NCOR2: variants seen among roughly 807,000 people sequenced by gnomAD.
NCOR2 encodes CTG repeat protein 26.
In NCOR2, 81 loss-of-function variants were observed where a neutral mutation model predicts 262.9. The ratio of observed to expected loss-of-function variants is 0.31; its 90% CI spans 0.26 to 0.37. NCOR2 has a LOEUF of 0.37. Among genes scored for constraint, NCOR2 ranks in the 10% least tolerant of loss-of-function variants. The pLI is 1.00. For missense variants in NCOR2, 3,385 were observed against 3,621.4 expected, an observed-to-expected ratio of 0.93 and a Z score of 1.68; for synonymous variants, 1,659 against 1,559.3, an observed-to-expected ratio of 1.06 and a Z score of -1.51.
chr12:124,544,641 C>T (rs557565561), intron 1 of NCOR2, among the ~76,000 whole-genome samples: 2 of 152,294 alleles, frequency 1.3e-5, no homozygotes, highest in South Asian at 2.1e-4. Flanking sequence ...CACACCCGCC[C>T]GGGCCCAGGG....
Position 124,378,203 on chromosome 12 carries a change from C to A in NCOR2, c.2167+34G>T. The A allele has an allele frequency of 6.2e-7, 1 of 1,604,296 alleles. No individual in the cohort carries two copies. The highest frequency in any genetic ancestry group is 8.5e-7 in the Non-Finnish European group (1 of 1,173,812). ...CCTCCCTCAGAGCTCGGACCCACAG[C>A]TGCCAGCCACCTCCAAGCCGCGCCA... is the stretch of plus-strand genomic sequence containing the variant. On this transcript the variant is annotated intron_variant, in intron 18 of 46. Transcript: ENST00000405201. The surrounding 1 kb of genome is among the most constrained non-coding windows in gnomAD (Gnocchi z 4.2).
At chr12:124,493,072 G>A (rs1320948319) in intron 1 of NCOR2, among the ~76,000 whole-genome samples, 6 of 152,242 alleles carry the variant, frequency 3.9e-5, no homozygotes, top group Non-Finnish European at 5.9e-5. Context: ...TGGAGGGGGC[G>A]GTGAGCGCTT....
At chr12:124,372,656 G>A in intron 19 of NCOR2, 46 bp from the exon 22 acceptor site, 3 of 1,522,216 alleles carry the variant, frequency 2.0e-6, no homozygotes, top group South Asian at 2.3e-5. Flanking sequence ...GTCTGGCGGG[G>A]CCTCCAGAAG....
intron 4 of NCOR2, among the ~76,000 whole-genome samples, chr12:124,468,336 ATCC>A (rs1344587301): frequency 3.0e-5 from 1 of 33,046 alleles, no homozygotes; most frequent in Non-Finnish European, 6.0e-5. Context: ...CATCATCCTC[ATCC>A]TCCTCACCCC....
intron 16 of NCOR2, among the ~76,000 whole-genome samples, chr12:124,391,263 C>G (rs1489002545): frequency 6.6e-6 from 1 of 152,168 alleles, no homozygotes; most frequent in Non-Finnish European, 1.5e-5. Flanking sequence ...ACCCTGGAAA[C>G]ACACTCGCTC....
intron 10 of NCOR2, among the ~76,000 whole-genome samples, chr12:124,429,220 C>A (rs2043775090): frequency 6.6e-6 from 1 of 152,270 alleles, no homozygotes; most frequent in Non-Finnish European, 1.5e-5. Flanking sequence ...AAGGCTGACC[C>A]TGGAACCCAC....
chr12:124,407,114 C>T (rs2042317554), intron 13 of NCOR2, among the ~76,000 whole-genome samples: 1 of 152,220 alleles, frequency 6.6e-6, no homozygotes, highest in South Asian at 2.1e-4. Flanking sequence ...AGCCTCCTCC[C>T]TATGCCCATT....
At chr12:124,515,811 T>C (rs1385767744) in intron 1 of NCOR2, among the ~76,000 whole-genome samples, 1 of 152,184 alleles carries the variant, frequency 6.6e-6, no homozygotes, top group Non-Finnish European at 1.5e-5. Flanking sequence ...TGTGCGCGTA[T>C]TTAGTTCTAT....
intron 27 of NCOR2, among the ~76,000 whole-genome samples, chr12:124,351,813 C>T (rs559856795): frequency 3.8e-4 from 58 of 152,256 alleles, no homozygotes; most frequent in Non-Finnish European, 3.4e-4. Flanking sequence ...ACGACGGGTC[C>T]CCAAATCTCA....
At chr12:124,394,843 T>C (rs2041546367) in intron 16 of NCOR2, among the ~76,000 whole-genome samples, 1 of 152,310 alleles carries the variant, frequency 6.6e-6, no homozygotes. Flanking sequence ...ACAGGAAACA[T>C]ACAGTGGGCG....
At chr12:124,543,522 G>A (rs952209839) in intron 1 of NCOR2, among the ~76,000 whole-genome samples, 42 of 152,278 alleles carry the variant, frequency 2.8e-4, no homozygotes, top group Non-Finnish European at 3.7e-4. Context: ...CTCTGCCCTC[G>A]GCCACTCCAT....
chr12:124,451,386 C>G (rs771779570), intron 6 of NCOR2, among the ~76,000 whole-genome samples: 1 of 152,132 alleles, frequency 6.6e-6, no homozygotes, highest in South Asian at 2.1e-4. Flanking sequence ...GTAACCATAC[C>G]GGGTAACTGA....
At chr12:124,427,930 T>C (rs2043650637) in intron 10 of NCOR2, among the ~76,000 whole-genome samples, 1 of 151,956 alleles carries the variant, frequency 6.6e-6, no homozygotes, top group Admixed American at 6.5e-5. Flanking sequence ...GAACCTCAGG[T>C]CACCCCAGGC....
chr12:124,397,553 G>A (rs746626567), intron 16 of NCOR2, among the ~76,000 whole-genome samples: 3 of 152,168 alleles, frequency 2.0e-5, no homozygotes, highest in Non-Finnish European at 2.9e-5. Context: ...CCACTCCCAC[G>A]ACTGTCCCCA....
At chr12:124,393,339 G>A (rs1389251585) in intron 16 of NCOR2, among the ~76,000 whole-genome samples, 1 of 152,164 alleles carries the variant, frequency 6.6e-6, no homozygotes, top group African/African-American at 2.4e-5. Flanking sequence ...TCCTCAGGCA[G>A]CACAAGCCCC....
exon 20 of NCOR2, chr12:124,372,237 G>C: frequency 1.3e-6 from 2 of 1,595,546 alleles, no homozygotes; most frequent in Non-Finnish European, 1.7e-6. Flanking sequence ...CCGTGCACTC[G>C]CTCTTGACGG....
At chr12:124,550,175 C>T (rs925206318) in intron 1 of NCOR2, among the ~76,000 whole-genome samples, 2 of 151,928 alleles carry the variant, frequency 1.3e-5, no homozygotes, top group African/African-American at 4.8e-5. Flanking sequence ...ACCCCCAAAA[C>T]CCGAACAGTG....
In NCOR2 at chr12:124,400,390, C is replaced by T. The variant is rs2041930857; in HGVS notation, c.1813+111G>A. ...GATTTGACTCCAACCATGACTTACA[C>T]CAACCCCTTGGCTGTTGCCAATTAA... On this transcript the variant is annotated intron_variant, in intron 15 of 46. Transcript: ENST00000405201. The T allele has an allele frequency of 2.8e-6, 4 of 1,439,348 alleles. No individual in the cohort carries two copies. In the African/African-American group the frequency reaches 5.6e-5, roughly 20 times the overall value. The allele number at this position is 1,439,348 out of a possible 1,614,324, so 89.2% of individuals were successfully genotyped here.
chr12:124,456,356 G>A (rs1044942049), intron 6 of NCOR2, among the ~76,000 whole-genome samples: 35 of 152,216 alleles, frequency 2.3e-4, no homozygotes, highest in Admixed American at 1.9e-3. Flanking sequence ...GGCAGGGGCT[G>A]CGGCCCATTC....
Sources: gnomAD v4.1 joint callset for allele counts (sites outside exome capture counted in the v4.1 genomes callset) on GRCh38, gnomAD v4.1.1 for gene constraint, Gnocchi (gnomAD v3.1) non-coding constraint, MANE v1.5 for transcripts, NCBI Gene and HGNC (gene_info 2026-07-23, HGNC 2026-07-21) for gene names.